The following IGF2BP2 variants were observed in gnomAD, a reference collection of about 807,000 sequenced individuals.
IGF2BP2 encodes the protein insulin-like growth factor 2 mRNA-binding protein 2.
A neutral mutation model predicts 75.8 loss-of-function variants in IGF2BP2; 17 were observed. The ratio of observed to expected loss-of-function variants is 0.22; its 90% CI spans 0.15 to 0.34. IGF2BP2 has a LOEUF of 0.34. Ranked by LOEUF, IGF2BP2 falls within the 10% of genes least tolerant of loss-of-function variation. IGF2BP2 has a pLI of 1.00. For synonymous variants in IGF2BP2, 288 were observed against 295.6 expected (o/e 0.97, Z 0.26); for missense variants, 516 against 772.4 (o/e 0.67, Z 3.93).
At chr3:185,654,181 C>T (rs1277605142) in intron 12 of IGF2BP2, among the ~76,000 whole-genome samples, 1 of 152,130 alleles carries the variant, frequency 6.6e-6, no homozygotes, top group Non-Finnish European at 1.5e-5. Flanking sequence ...ATGTGAGACT[C>T]AGGTGATCAA....
intron 2 of IGF2BP2, chr3:185,717,780 G>A (rs1435619797): frequency 6.6e-6 from 1 of 152,222 alleles, no homozygotes; most frequent in African/African-American, 2.4e-5. Context: ...AGGACAAGTA[G>A]ACACATCTAT....
At chr3:185,721,931 T>C (rs1185958936) in intron 2 of IGF2BP2, among the ~76,000 whole-genome samples, 2 of 152,160 alleles carry the variant, frequency 1.3e-5, no homozygotes, top group Non-Finnish European at 2.9e-5. Flanking sequence ...CAGATATGTC[T>C]TCTATTTACC....
intron 10 of IGF2BP2, among the ~76,000 whole-genome samples, chr3:185,667,040 C>A (rs1717752085): frequency 6.6e-6 from 1 of 152,126 alleles, no homozygotes; most frequent in South Asian, 2.1e-4. Flanking sequence ...ATAAAACACA[C>A]AGAATCTGCT....
Position 185,643,758 on chromosome 3 carries a change from TTC to T in IGF2BP2, c.*1771_*1772del, listed in dbSNP as rs1347845253. ...CCAGGATCTTGTTAGCTGGATATATTTCTGTTTTTTCTTTTTTTTTCTTTTTT... is the reference window on the plus strand; with the variant it reads ...CCAGGATCTTGTTAGCTGGATATATTTGTTTTTTCTTTTTTTTTCTTTTTT... On this transcript the variant is annotated 3_prime_UTR_variant, in exon 16 of 16. Transcript: ENST00000382199. The T allele has an allele frequency of 4.6e-5, 7 of 151,764 alleles. No individual in the cohort carries two copies. Among genetic ancestry groups the T allele is most frequent in the Non-Finnish European group, 8.8e-5 (6 of 67,934 alleles). The allele number at this position is 151,764 out of a possible 1,614,324, so 9.4% of individuals were successfully genotyped here.
chr3:185,808,082 C>A (rs1739265233), intron 2 of IGF2BP2, among the ~76,000 whole-genome samples: 1 of 149,438 alleles, frequency 6.7e-6, no homozygotes, highest in Admixed American at 6.7e-5. Flanking sequence ...GAGTTCGAGT[C>A]CAGCCTGGAC....
intron 2 of IGF2BP2, among the ~76,000 whole-genome samples, chr3:185,766,464 A>G (rs1733080185): frequency 6.6e-6 from 1 of 152,164 alleles, no homozygotes; most frequent in African/African-American, 2.4e-5. Flanking sequence ...TAAAAAGAAT[A>G]TTCCGTGACA....
chr3:185,666,001 C>CATTAG (rs1553851841), intron 10 of IGF2BP2, among the ~76,000 whole-genome samples: 3 of 145,294 alleles, frequency 2.1e-5, no homozygotes, highest in Non-Finnish European at 4.5e-5. Context: ...TAGATAGGTA[C>CATTAG]ATAGATAGAT....
intron 2 of IGF2BP2, among the ~76,000 whole-genome samples, chr3:185,800,336 T>C (rs1738041788): frequency 6.6e-6 from 1 of 152,042 alleles, no homozygotes; most frequent in African/African-American, 2.4e-5. Flanking sequence ...AAATGACAAG[T>C]TGATGGGTTC....
chr3:185,773,632 A>G (rs531284048), intron 2 of IGF2BP2, among the ~76,000 whole-genome samples: 1 of 152,346 alleles, frequency 6.6e-6, no homozygotes, highest in South Asian at 2.1e-4. Flanking sequence ...GTTTATTTAT[A>G]AGGTCAAAAG....
At chr3:185,652,251 ACC>A in intron 12 of IGF2BP2, 83 bp from the exon 13 acceptor site, 1 of 1,184,982 alleles carries the variant, frequency 8.4e-7, no homozygotes, top group Non-Finnish European at 1.2e-6. Flanking sequence ...CGGCAAGCAT[ACC>A]AGCAGGAGGT....
chr3:185,677,025 A>ATATATATATG lies in IGF2BP2; in HGVS notation c.813-1113_813-1112insCATATATATA, dbSNP rs1223557818. Among the ~76,000 whole-genome samples the ATATATATATG allele has an allele frequency of 2.9e-3, 328 of 111,394 alleles. 7 individuals are homozygous for ATATATATATG. The highest frequency in any genetic ancestry group is 0.011 in the African/African-American group (305 of 27,626). The allele number at this position is 111,394 out of a possible 152,430, so 73.1% of individuals were successfully genotyped here. On this transcript the variant is annotated intron_variant, in intron 7 of 15. Transcript: ENST00000382199. ...ATGGAGAGATTATATATATGGAGAG[A>ATATATATATG]GATATATATATATATGGAGATATAT...
chr3:185,801,411 C>T (rs1005710373), intron 2 of IGF2BP2, among the ~76,000 whole-genome samples: 109 of 151,618 alleles, frequency 7.2e-4, no homozygotes, highest in African/African-American at 2.5e-3. Context: ...ATTGCTTGAA[C>T]CCAGGAGGCG....
intron 10 of IGF2BP2, among the ~76,000 whole-genome samples, chr3:185,664,642 G>A (rs1005089432): frequency 6.6e-6 from 1 of 152,202 alleles, no homozygotes; most frequent in Non-Finnish European, 1.5e-5. Flanking sequence ...CCCTGGATAT[G>A]AAAAACATGG....
chr3:185,824,771 C>T lies in IGF2BP2; in HGVS notation c.178+12G>A. 2 of 1,333,310 alleles carry T rather than the reference C, an allele frequency of 1.5e-6. No homozygotes were observed. The highest frequency in any genetic ancestry group is 2.0e-6 in the Non-Finnish European group (2 of 1,021,500). The allele number at this position is 1,333,310 out of a possible 1,614,324, so 82.6% of individuals were successfully genotyped here. A position where few individuals can be genotyped will look rare whatever the true frequency, so the allele number is the denominator to read the frequency against. ...GGCGAGGCGGGGGGAGGGGGCCGCGCTGAGTGCTCACCCGAGAGGGTCTCG... is the reference window on the plus strand; with the variant it reads ...GGCGAGGCGGGGGGAGGGGGCCGCGTTGAGTGCTCACCCGAGAGGGTCTCG... On this transcript the variant is annotated intron_variant, in intron 1 of 15. Transcript: ENST00000382199.
At chr3:185,823,425 G>T (rs11717959) in intron 1 of IGF2BP2, among the ~76,000 whole-genome samples, 51,026 of 152,128 alleles carry the variant, frequency 0.34, 8,867 homozygotes, top group Non-Finnish European at 0.38. Context: ...GTGCGAGCCC[G>T]GGTCGGACCC....
intron 2 of IGF2BP2, among the ~76,000 whole-genome samples, chr3:185,793,437 C>T (rs1325687069): frequency 1.3e-5 from 2 of 152,156 alleles, no homozygotes; most frequent in Non-Finnish European, 2.9e-5. Flanking sequence ...CCTCCTCTCA[C>T]CCAACATATC....
intron 2 of IGF2BP2, among the ~76,000 whole-genome samples, chr3:185,708,188 G>A (rs7609665): frequency 0.64 from 97,825 of 151,958 alleles, 32,320 homozygotes; most frequent in Middle Eastern, 0.77. Context: ...TTAGGGAGTG[G>A]TATTTTTGAC....
chr3:185,824,981 C>G lies in IGF2BP2; in HGVS notation c.-21G>C. The G allele has an allele frequency of 3.4e-6, 5 of 1,476,680 alleles. No homozygotes were observed. Among genetic ancestry groups the G allele is most frequent in the East Asian group, 2.7e-5 (1 of 36,834 alleles). The allele number at this position is 1,476,680 out of a possible 1,614,324, so 91.5% of individuals were successfully genotyped here. A position where few individuals can be genotyped will look rare whatever the true frequency, so the allele number is the denominator to read the frequency against. ...ATCATCCGTCTCTTCCCCGAGAGCC[C>G]GCGGCTCCCCCGGCCCGGTACCCGG... is the stretch of plus-strand genomic sequence containing the variant. On this transcript the variant is annotated 5_prime_UTR_variant, in exon 1 of 16. Transcript: ENST00000382199.
At chr3:185,770,445 T>C (rs932438070) in intron 2 of IGF2BP2, among the ~76,000 whole-genome samples, 1 of 152,228 alleles carries the variant, frequency 6.6e-6, no homozygotes, top group African/African-American at 2.4e-5. Context: ...TTTTATACAT[T>C]GGAAAGTATT....
Sources: gnomAD v4.1 joint callset for allele counts (sites outside exome capture counted in the v4.1 genomes callset) on GRCh38, gnomAD v4.1.1 for gene constraint, MANE v1.5 for transcripts, NCBI Gene and HGNC (gene_info 2026-07-23, HGNC 2026-07-21) for gene names.